YBX3: variants seen among roughly 807,000 people sequenced by gnomAD.
YBX3 encodes Y-box binding protein 3.
Under a neutral mutation model 42.4 loss-of-function variants are expected in YBX3, and 29 were observed. The ratio of observed to expected loss-of-function variants is 0.68; its 90% CI spans 0.51 to 0.93. The LOEUF is 0.93. Among genes scored for constraint, YBX3 ranks in the 40% least tolerant of loss-of-function variants. The probability of loss-of-function intolerance (pLI) is 0.00; values close to 1 mark genes in which losing one functional copy is unlikely to be tolerated. For synonymous variants in YBX3, 195 were observed against 189.8 expected (o/e 1.03, Z -0.22); for missense variants, 517 against 527.5 (o/e 0.98, Z 0.19).
intron 2 of YBX3, 199 bp from the exon 3 acceptor site, chr12:10,718,320 A>G (rs1472082043): frequency 4.0e-6 from 2 of 502,264 alleles, no homozygotes; most frequent in Non-Finnish European, 3.5e-6. Context: ...CCTCCTCCAC[A>G]TTGCCACAGT....
At chr12:10,703,078 C>A (rs1349191716) in intron 7 of YBX3, 1 of 152,054 alleles carries the variant, frequency 6.6e-6, no homozygotes, top group Non-Finnish European at 1.5e-5. Flanking sequence ...CATTTCTATG[C>A]CGTCTCTTTT....
At position 10,709,948 on chromosome 12, in the gene YBX3, T is replaced by A; in HGVS notation, c.740A>T (p.Asp247Val). 1 of 1,614,170 alleles carries A rather than the reference T, an allele frequency of 6.2e-7. No homozygotes were observed. Among genetic ancestry groups the A allele is most frequent in the South Asian group, 1.1e-5 (1 of 91,078 alleles). The change falls in exon 6 of 10, where the codon GAC (aspartate) becomes GTC (valine). Residue 247 changes from aspartate (D) to valine (V), a missense_variant. By Grantham distance (152) the Asp-to-Val change is radical. This residue lies in a region of YBX3 where 420 missense variants were observed against 408.5 expected (regional missense o/e 1.03). Coordinates refer to ENST00000228251, the MANE Select transcript of YBX3 (RefSeq NM_003651.5). The part of the protein sequence containing the change: ...FPPYHVGQTF[D>V]RRSRVLPHPN... ...ATGGGGTAAGACCCGTGAGCGACGG[T>A]CAAAGGTCTGTCCCACGTGGTAAGG...
At chr12:10,715,186 G>A (rs951489827) in intron 4 of YBX3, among the ~76,000 whole-genome samples, 3 of 152,004 alleles carry the variant, frequency 2.0e-5, no homozygotes, top group Non-Finnish European at 4.4e-5. Flanking sequence ...AATCAGAGTT[G>A]ATCATTTATT....
intron 9 of YBX3, 64 bp downstream of exon 9, chr12:10,701,190 G>T: frequency 1.3e-6 from 1 of 746,478 alleles, no homozygotes; most frequent in South Asian, 1.5e-5. Context: ...TTGTACTCTT[G>T]TTGAGAAACC....
intron 5 of YBX3, 81 bp downstream of exon 5, chr12:10,713,130 T>C: frequency 7.0e-7 from 1 of 1,418,650 alleles, no homozygotes; most frequent in South Asian, 1.7e-5. Flanking sequence ...AGACAAGGCA[T>C]TTATCTGCTC....
At chr12:10,719,257 A>G in intron 1 of YBX3, 114 bp from the exon 2 acceptor site, 1 of 859,942 alleles carries the variant, frequency 1.2e-6, no homozygotes. Flanking sequence ...AGAAACCATT[A>G]AAAGCTTAAT....
In YBX3 at chr12:10,715,774, T is replaced by C. The variant is rs762130139; in HGVS notation, c.370A>G (p.Lys124Glu). ...EDVFVHQTAIKKNNPRKYLRS... is the reference protein window; with the variant it reads ...EDVFVHQTAIEKNNPRKYLRS... Reference sequence around the variant, plus strand: ...AGATATTTCCGTGGGTTATTCTTCTTGATGGCAGTCTGGAAAGAGAACAGA... The same window carrying C: ...AGATATTTCCGTGGGTTATTCTTCTCGATGGCAGTCTGGAAAGAGAACAGA... The change falls in exon 4 of 10, where the codon AAG becomes GAG. Residue 124 changes from lysine (K) to glutamate (E), a missense_variant. Physicochemically the swap from Lys to Glu is moderately conservative, Grantham distance 56 (BLOSUM62 1). This residue lies in a region of YBX3 where 420 missense variants were observed against 408.5 expected (regional missense o/e 1.03). Coordinates refer to ENST00000228251, the MANE Select transcript of YBX3 (RefSeq NM_003651.5). 6 of 1,613,900 alleles carry C rather than the reference T, an allele frequency of 3.7e-6. No homozygotes were observed.
At chr12:10,700,889 G>A (rs1055169668) in intron 9 of YBX3, among the ~76,000 whole-genome samples, 3 of 152,108 alleles carry the variant, frequency 2.0e-5, no homozygotes, top group African/African-American at 7.2e-5. Context: ...TTATTCTACT[G>A]TTTCTGATTA....
chr12:10,722,810 C>A, intron 1 of YBX3, 40 bp downstream of exon 1: 1 of 1,400,938 alleles, frequency 7.1e-7, no homozygotes, highest in Non-Finnish European at 9.3e-7. Context: ...GCTGGGCCCG[C>A]CCCACTACGG....
intron 6 of YBX3, among the ~76,000 whole-genome samples, chr12:10,709,490 T>C (rs574850549): frequency 2.6e-5 from 4 of 152,354 alleles, no homozygotes; most frequent in Non-Finnish European, 5.9e-5. Flanking sequence ...CATAACCCTA[T>C]GGTGCAGGCA....
chr12:10,713,002 A>AATC, intron 5 of YBX3: 1 of 592,940 alleles, frequency 1.7e-6, no homozygotes, highest in Non-Finnish European at 2.7e-6. Context: ...TCATGTAACT[A>AATC]ATCACCACCG....
At chr12:10,714,762 C>CTTT (rs202076071) in intron 4 of YBX3, among the ~76,000 whole-genome samples, 4 of 145,438 alleles carry the variant, frequency 2.8e-5, no homozygotes, top group Non-Finnish European at 6.1e-5. Context: ...TTTTTCTTTT[C>CTTT]TTTTTTTTTT....
At chr12:10,708,664 T>C (rs1030219800) in intron 6 of YBX3, among the ~76,000 whole-genome samples, 1 of 152,230 alleles carries the variant, frequency 6.6e-6, no homozygotes, top group Non-Finnish European at 1.5e-5. Flanking sequence ...CTAAATGCAG[T>C]TAAGTTACAG....
At chr12:10,703,856 C>A (rs566352171) in intron 7 of YBX3, 195 bp downstream of exon 7, 4 of 526,900 alleles carry the variant, frequency 7.6e-6, no homozygotes, top group African/African-American at 5.8e-5. Flanking sequence ...GACGCTTTGG[C>A]GCAGAGATAA....
chr12:10,719,332 A>T (rs1381212349), intron 1 of YBX3, among the ~76,000 whole-genome samples, 189 bp from the exon 2 acceptor site: 1 of 152,242 alleles, frequency 6.6e-6, no homozygotes, highest in African/African-American at 2.4e-5. Context: ...ACTTTTCAGA[A>T]GACTAAACCT....
chr12:10,708,384 CT>C (rs974596198), intron 6 of YBX3, among the ~76,000 whole-genome samples: 12 of 151,992 alleles, frequency 7.9e-5, no homozygotes, highest in African/African-American at 2.9e-4. Context: ...TTGGCGAAGA[CT>C]TTTATATTTG....
rs1948220739 is a variant in YBX3 at position 10,713,253 on chromosome 12, G to A, written c.531C>T (p.Tyr177=). 6.2e-7 allele frequency: 1 copy of A among 1,613,934 alleles called. No homozygotes were observed. Residue 177 remains tyrosine (Y), a synonymous_variant, in exon 5 of 10, where the codon TAC becomes TAT. Transcript: ENST00000228251. ...GGCGCCTTCCATAGTAGCCACGTCT[G>A]TAACGGCGCCGATCTGCAGCGTAAC... ...GSRYAADRRR[Y]RRGYYGRRRG...
At chr12:10,711,037 A>G (rs1948194421) in intron 5 of YBX3, 1 of 153,256 alleles carries the variant, frequency 6.5e-6, no homozygotes, top group African/African-American at 2.4e-5. Flanking sequence ...GACTCCCTTT[A>G]TATGTTTAGG....
chr12:10,719,814 T>A, intron 1 of YBX3, among the ~76,000 whole-genome samples: 1 of 152,194 alleles, frequency 6.6e-6, no homozygotes, highest in East Asian at 1.9e-4. Flanking sequence ...GAATCAAACT[T>A]AAGCATTTTT....
Sources: gnomAD v4.1 joint callset for allele counts (sites outside exome capture counted in the v4.1 genomes callset) on GRCh38, gnomAD v4.1.1 for gene constraint, gnomAD v4.1.1 regional missense constraint, MANE v1.5 for transcripts, NCBI Gene and HGNC (gene_info 2026-07-23, HGNC 2026-07-21) for gene names.